LMBRD1: variants seen among roughly 807,000 people sequenced by gnomAD.
LMBRD1 encodes LMBR1 domain containing 1, also known as lysosomal cobalamin transport escort protein LMBD1.
LMBRD1 carries 64 observed loss-of-function variants against 74.8 expected under a neutral mutation model. The ratio of observed to expected loss-of-function variants is 0.86; its 90% CI spans 0.70 to 1.05. The LOEUF (loss-of-function observed/expected upper bound fraction) is 1.05. Among genes scored for constraint, LMBRD1 ranks in the 50% least tolerant of loss-of-function variants. The pLI is 0.00. For missense variants in LMBRD1, 652 were observed against 645.9 expected, an observed-to-expected ratio of 1.01 and a Z score of -0.10; for synonymous variants, 204 against 216.3, an observed-to-expected ratio of 0.94 and a Z score of 0.50.
chr6:69,781,002 G>A (rs1261083782), intron 2 of LMBRD1, among the ~76,000 whole-genome samples: 1 of 152,184 alleles, frequency 6.6e-6, no homozygotes, highest in Non-Finnish European at 1.5e-5. Context: ...GGACACATAT[G>A]TCAGGGGCTT....
At chr6:69,720,207 A>T (rs1582085743) in intron 7 of LMBRD1, among the ~76,000 whole-genome samples, 1 of 152,308 alleles carries the variant, frequency 6.6e-6, no homozygotes, top group African/African-American at 2.4e-5. Context: ...AACAAAAAAC[A>T]TGAATAAAAA....
At chr6:69,723,936 C>A (rs1766670904) in intron 7 of LMBRD1, among the ~76,000 whole-genome samples, 1 of 151,398 alleles carries the variant, frequency 6.6e-6, no homozygotes, top group Admixed American at 6.6e-5. Context: ...AAAGACAGAA[C>A]CCAAATAAAT....
At chr6:69,781,554 G>A (rs577433237) in intron 2 of LMBRD1, among the ~76,000 whole-genome samples, 1 of 152,090 alleles carries the variant, frequency 6.6e-6, no homozygotes, top group African/African-American at 2.4e-5. Context: ...CTAGCAATGA[G>A]TAGCTATAAA....
At chr6:69,740,081 G>A (rs188371650) in intron 6 of LMBRD1, among the ~76,000 whole-genome samples, 48 of 151,906 alleles carry the variant, frequency 3.2e-4, no homozygotes, top group Non-Finnish European at 4.9e-4. Context: ...ACTCTAGCCG[G>A]GGTGACAGAG....
intron 3 of LMBRD1, among the ~76,000 whole-genome samples, chr6:69,754,078 T>C (rs1582127156): frequency 6.6e-6 from 1 of 152,162 alleles, no homozygotes; most frequent in East Asian, 1.9e-4. Flanking sequence ...TTATATGAGG[T>C]ACTGAGAGTA....
At chr6:69,781,677 T>C (rs115897605) in intron 2 of LMBRD1, among the ~76,000 whole-genome samples, 1,993 of 152,222 alleles carry the variant, frequency 0.013, 42 homozygotes, top group African/African-American at 0.046. Flanking sequence ...CCAATAGTAA[T>C]AAGGAATAGT....
At chr6:69,695,818 T>C (rs1167799754) in intron 14 of LMBRD1, among the ~76,000 whole-genome samples, 2 of 150,482 alleles carry the variant, frequency 1.3e-5, no homozygotes, top group Admixed American at 6.7e-5. Flanking sequence ...TCATTTTTTT[T>C]TACAATTTTT....
At position 69,676,435 on chromosome 6, in the gene LMBRD1, G is replaced by C; in HGVS notation, c.1509+15C>G. 6.2e-7 allele frequency: 1 copy of C among 1,606,908 alleles called. No individual in the cohort carries two copies. Among genetic ancestry groups the C allele is most frequent in the Non-Finnish European group, 8.5e-7 (1 of 1,173,786 alleles). Reference sequence around the variant, plus strand: ...TAAAGGAAGGTCAAATCACGCGTGGGATATCTGCACTTACCCCAAGAAAGG... The same window carrying C: ...TAAAGGAAGGTCAAATCACGCGTGGCATATCTGCACTTACCCCAAGAAAGG... On this transcript the variant is annotated intron_variant, in intron 15 of 15. Coordinates refer to ENST00000649934, the MANE Select transcript of LMBRD1 (RefSeq NM_018368.4).
At chr6:69,714,306 T>A (rs1766446862) in intron 8 of LMBRD1, among the ~76,000 whole-genome samples, 1 of 151,974 alleles carries the variant, frequency 6.6e-6, no homozygotes, top group Non-Finnish European at 1.5e-5. Context: ...TTGTAACAAT[T>A]GCTAAGAACT....
At chr6:69,745,964 C>G in intron 5 of LMBRD1, 1 of 235,886 alleles carries the variant, frequency 4.2e-6, no homozygotes, top group East Asian at 1.0e-4. Flanking sequence ...AATATTGTTG[C>G]CATCACTGAC....
At chr6:69,685,305 A>G (rs1218088648) in intron 14 of LMBRD1, among the ~76,000 whole-genome samples, 1 of 152,252 alleles carries the variant, frequency 6.6e-6, no homozygotes, top group Non-Finnish European at 1.5e-5. Flanking sequence ...ATGTCCGAAC[A>G]TGTATGAAAA....
At chr6:69,696,118 C>G (rs768685344) in intron 14 of LMBRD1, among the ~76,000 whole-genome samples, 9 of 152,096 alleles carry the variant, frequency 5.9e-5, no homozygotes, top group Non-Finnish European at 1.0e-4. Flanking sequence ...TATTTTTTAT[C>G]TCAGCTGGTA....
chr6:69,772,874 G>T (rs747569957), intron 3 of LMBRD1, among the ~76,000 whole-genome samples: 1 of 152,076 alleles, frequency 6.6e-6, no homozygotes, highest in African/African-American at 2.4e-5. Context: ...CTATATCATT[G>T]CACTAACAGA....
intron 14 of LMBRD1, among the ~76,000 whole-genome samples, chr6:69,686,876 G>A (rs1765775029): frequency 6.6e-6 from 1 of 152,174 alleles, no homozygotes; most frequent in African/African-American, 2.4e-5. Flanking sequence ...CATCCCTTAA[G>A]TAATGTCTAT....
chr6:69,790,364 T>G lies in LMBRD1; in HGVS notation c.178A>C (p.Thr60Pro). The G allele has an allele frequency of 6.2e-7, 1 of 1,613,690 alleles. No individual in the cohort carries two copies. Among genetic ancestry groups the G allele is most frequent in the Non-Finnish European group, 8.5e-7 (1 of 1,179,646 alleles). The part of the protein sequence containing the change: ...AIFSLAIALI[T>P]SALLPVDIFL... ...ATATCCACTGGTAGAAGTGCTGATG[T>G]GATAAGTGCAATTGCTAGAGAAAAA... Residue 60 changes from threonine to proline, a missense_variant, in exon 2 of 16, where the codon ACA becomes CCA. Physicochemically the swap from Thr to Pro is conservative, Grantham distance 38 (BLOSUM62 -1). Transcript: ENST00000649934.
At position 69,713,715 on chromosome 6, in the gene LMBRD1, CTCT is replaced by C. The variant is rs1766431840; in HGVS notation, c.842_844del (p.Lys281del). On this transcript the variant is annotated inframe_deletion, in exon 9 of 16. Coordinates refer to ENST00000649934, the MANE Select transcript of LMBRD1 (RefSeq NM_018368.4). ...TTCAATGAATTCTAAATGCCTCTCT[CTCT>C]TCTTAAGTGTTCGTAACCTTTCTTC... is the stretch of plus-strand genomic sequence containing the variant. The C allele has an allele frequency of 6.2e-7, 1 of 1,613,776 alleles. No individual in the cohort carries two copies. The highest frequency in any genetic ancestry group is 1.1e-5 in the South Asian group (1 of 91,080).
At chr6:69,763,840 G>T (rs543069943) in intron 3 of LMBRD1, among the ~76,000 whole-genome samples, 2 of 152,128 alleles carry the variant, frequency 1.3e-5, no homozygotes, top group Non-Finnish European at 2.9e-5. Flanking sequence ...TTACTTTATT[G>T]AAACGCTTTT....
At chr6:69,729,255 C>T (rs1012693334) in intron 7 of LMBRD1, among the ~76,000 whole-genome samples, 1 of 148,392 alleles carries the variant, frequency 6.7e-6, no homozygotes, top group Non-Finnish European at 1.5e-5. Flanking sequence ...CTGTTAATGC[C>T]CTTCAGGTCT....
chr6:69,736,412 C>A (rs768432712), intron 7 of LMBRD1, among the ~76,000 whole-genome samples: 3 of 152,118 alleles, frequency 2.0e-5, no homozygotes, highest in Non-Finnish European at 4.4e-5. Context: ...CTCCCCATTG[C>A]CCTAAGGGAA....
Sources: gnomAD v4.1 joint callset for allele counts (sites outside exome capture counted in the v4.1 genomes callset) on GRCh38, gnomAD v4.1.1 for gene constraint, MANE v1.5 for transcripts, NCBI Gene and HGNC (gene_info 2026-07-23, HGNC 2026-07-21) for gene names.